Variants in MYO18B observed in about 807,000 individuals in gnomAD.
The protein encoded by MYO18B is unconventional myosin-XVIIIb.
Under a neutral mutation model 273.0 loss-of-function variants are expected in MYO18B, and 204 were observed. That is an observed-to-expected ratio of 0.75 (90% CI 0.67 to 0.84). The LOEUF (loss-of-function observed/expected upper bound fraction) is 0.84. Among genes scored for constraint, MYO18B ranks in the 40% least tolerant of loss-of-function variants. The probability of loss-of-function intolerance (pLI) is 0.00; values close to 1 mark genes in which losing one functional copy is unlikely to be tolerated. For missense variants in MYO18B, 3,212 were observed against 3,287.6 expected (o/e 0.98, Z 0.56); for synonymous variants, 1,330 against 1,305.7 (o/e 1.02, Z -0.40).
At chr22:25,993,121 A>G (rs916426) in intron 40 of MYO18B, among the ~76,000 whole-genome samples, 24,416 of 152,116 alleles carry the variant, frequency 0.16, 2,117 homozygotes, top group African/African-American at 0.19. Flanking sequence ...AAGATAGGCT[A>G]CTTTTCACCA....
At chr22:25,859,199 C>T (rs551786832) in intron 21 of MYO18B, among the ~76,000 whole-genome samples, 1 of 152,020 alleles carries the variant, frequency 6.6e-6, no homozygotes, top group South Asian at 2.1e-4. Flanking sequence ...CCTTAAAAAC[C>T]TCAAATAATT....
intron 39 of MYO18B, among the ~76,000 whole-genome samples, chr22:25,972,127 A>G (rs1279019351): frequency 6.6e-6 from 1 of 151,080 alleles, no homozygotes; most frequent in Non-Finnish European, 1.5e-5. Flanking sequence ...AAAAAAATAC[A>G]TACATATATA....
chr22:26,005,457 A>G (rs1384701337), intron 42 of MYO18B, among the ~76,000 whole-genome samples: 1 of 152,206 alleles, frequency 6.6e-6, no homozygotes, highest in African/African-American at 2.4e-5. Context: ...ACAAATCTAC[A>G]GAATTGCCAA....
At chr22:25,804,839 G>A (rs1236781663) in intron 12 of MYO18B, among the ~76,000 whole-genome samples, 2 of 152,216 alleles carry the variant, frequency 1.3e-5, no homozygotes, top group East Asian at 3.9e-4. Context: ...GGCAGATGGG[G>A]CACTGTCAGG....
intron 22 of MYO18B, among the ~76,000 whole-genome samples, chr22:25,873,297 C>T (rs970550631): frequency 1.3e-5 from 2 of 152,168 alleles, no homozygotes; most frequent in South Asian, 2.1e-4. Flanking sequence ...GTCTGGAAAT[C>T]GTGTACCGAG....
chr22:25,879,945 A>G (rs695784), intron 25 of MYO18B, among the ~76,000 whole-genome samples: 122,333 of 152,086 alleles, frequency 0.8, 49,497 homozygotes, highest in East Asian at 1. Flanking sequence ...TATCACTAGA[A>G]CAGCAAGGGG....
the MYO18B span, among the ~76,000 whole-genome samples, chr22:26,062,959 T>G: frequency 6.6e-6 from 1 of 152,144 alleles, no homozygotes; most frequent in African/African-American, 2.4e-5. Context: ...GGTCGCAGTC[T>G]CAACATCCTG....
At position 25,917,827 on chromosome 22, in the gene MYO18B, C is replaced by G. The variant is rs2092285630; in HGVS notation, c.5365-3430C>G. Among the ~76,000 whole-genome samples, 4 of 152,172 alleles carry G rather than the reference C, an allele frequency of 2.6e-5. No homozygotes were observed. The South Asian group carries it at 8.3e-4, about 32-fold the overall frequency. Reference sequence around the variant, plus strand: ...CCTATTGATTCAGAAGCTATAAACTCTATTTCTGTTCTTTTGGTGGTTACT... The same window carrying G: ...CCTATTGATTCAGAAGCTATAAACTGTATTTCTGTTCTTTTGGTGGTTACT... On this transcript the variant is annotated intron_variant, in intron 33 of 43. Coordinates refer to ENST00000335473, the MANE Select transcript of MYO18B (RefSeq NM_032608.7).
chr22:25,913,884 T>C (rs993992662), intron 33 of MYO18B, among the ~76,000 whole-genome samples: 1 of 152,250 alleles, frequency 6.6e-6, no homozygotes, highest in African/African-American at 2.4e-5. Flanking sequence ...CAAGCATGTT[T>C]TATGGTTTGC....
intron 30 of MYO18B, 180 bp downstream of exon 30, chr22:25,902,916 A>G: frequency 1.5e-6 from 1 of 650,796 alleles, no homozygotes; most frequent in East Asian, 3.0e-5. Flanking sequence ...GTAAATTGAT[A>G]ATCAGACTTT....
chr22:25,999,556 C>T (rs1456558665), intron 40 of MYO18B, among the ~76,000 whole-genome samples: 1 of 39,520 alleles, frequency 2.5e-5, no homozygotes, highest in Non-Finnish European at 5.1e-5. Context: ...CCCTCCCCCT[C>T]TTCCCCCTCC....
At chr22:26,001,814 C>T (rs761343121) in intron 40 of MYO18B, among the ~76,000 whole-genome samples, 39 of 152,146 alleles carry the variant, frequency 2.6e-4, no homozygotes, top group Non-Finnish European at 3.1e-4. Flanking sequence ...ATCTGAATGC[C>T]GAGTCCACCC....
At chr22:25,983,911 C>A (rs2146803205) in intron 39 of MYO18B, among the ~76,000 whole-genome samples, 1 of 152,294 alleles carries the variant, frequency 6.6e-6, no homozygotes, top group African/African-American at 2.4e-5. Context: ...CCTGCTGTTG[C>A]TAATCTCTCC....
intron 1 of MYO18B, among the ~76,000 whole-genome samples, chr22:25,758,686 C>A (rs1419645336): frequency 6.6e-6 from 1 of 151,830 alleles, no homozygotes; most frequent in Non-Finnish European, 1.5e-5. Context: ...TTGTGGTTGC[C>A]TGGGGCTGAG....
chr22:25,786,030 A>C (rs1290546741), intron 11 of MYO18B, among the ~76,000 whole-genome samples: 1 of 152,122 alleles, frequency 6.6e-6, no homozygotes, highest in Admixed American at 6.5e-5. Context: ...AGAGTTAGGT[A>C]TTTCATTGCT....
At chr22:25,945,569 A>G (rs1238750108) in intron 34 of MYO18B, among the ~76,000 whole-genome samples, 1 of 151,972 alleles carries the variant, frequency 6.6e-6, no homozygotes, top group Non-Finnish European at 1.5e-5. Flanking sequence ...GTGTGAGTTG[A>G]TGAATAGTTG....
At chr22:25,829,896 T>G (rs764562062) in intron 15 of MYO18B, among the ~76,000 whole-genome samples, 9 of 151,730 alleles carry the variant, frequency 5.9e-5, no homozygotes, top group Non-Finnish European at 1.2e-4. Context: ...CAAAGAAAAG[T>G]GCATAAACCA....
chr22:25,800,988 A>T (rs1272843923), intron 12 of MYO18B, among the ~76,000 whole-genome samples: 2 of 152,216 alleles, frequency 1.3e-5, no homozygotes, highest in Non-Finnish European at 2.9e-5. Flanking sequence ...CTGCCCGATG[A>T]TTTACTTACT....
At chr22:25,742,820 G>T (rs900667459) in intron 1 of MYO18B, among the ~76,000 whole-genome samples, 1 of 152,216 alleles carries the variant, frequency 6.6e-6, no homozygotes, top group African/African-American at 2.4e-5. Flanking sequence ...GAAGGGCAAT[G>T]GAAGTTCATG....
Sources: gnomAD v4.1 joint callset for allele counts (sites outside exome capture counted in the v4.1 genomes callset) on GRCh38, gnomAD v4.1.1 for gene constraint, MANE v1.5 for transcripts, NCBI Gene and HGNC (gene_info 2026-07-23, HGNC 2026-07-21) for gene names.